The following MTCL1 variants were observed in gnomAD, a reference collection of about 807,000 sequenced individuals.
MTCL1 encodes microtubule crosslinking factor 1.
MTCL1 carries 79 observed loss-of-function variants against 141.4 expected under a neutral mutation model. The observed-to-expected ratio is 0.56, with a 90% CI of 0.47 to 0.67. The LOEUF is 0.67. Among genes scored for constraint, MTCL1 ranks in the 30% least tolerant of loss-of-function variants. The pLI, the probability that MTCL1 is intolerant of heterozygous loss-of-function variation, is 0.00. For missense variants in MTCL1, 2,177 were observed against 2,113.9 expected, an observed-to-expected ratio of 1.03 and a Z score of -0.59; for synonymous variants, 914 against 875.8, an observed-to-expected ratio of 1.04 and a Z score of -0.77.
chr18:8,731,234 G>A (rs1031803335), intron 4 of MTCL1, among the ~76,000 whole-genome samples: 1 of 151,042 alleles, frequency 6.6e-6, no homozygotes, highest in African/African-American at 2.4e-5. Flanking sequence ...GACAGAGCAA[G>A]ACTCCATCTC....
rs1340428448 is a variant in MTCL1 at position 8,810,695 on chromosome 18, C to A, written c.2605-2284C>A. On this transcript the variant is annotated intron_variant, in intron 11 of 16. Transcript: ENST00000359865. The surrounding 1 kb of genome is among the most constrained non-coding windows in gnomAD (Gnocchi z 5.0). ...GGATTTTGTGGTGCTTGGTGCTTTT[C>A]TGGTAGTCTTCTGGTTAACTAACAC... Among the ~76,000 whole-genome samples the A allele has an allele frequency of 1.3e-5, 2 of 152,088 alleles. No individual in the cohort carries two copies. The highest frequency in any genetic ancestry group is 2.9e-5 in the Non-Finnish European group (2 of 68,030).
Position 8,825,227 on chromosome 18 carries a change from T to G in MTCL1, c.3717T>G (p.Pro1239=), listed in dbSNP as rs200631414. 1.7e-4 allele frequency: 272 copies of G among 1,597,192 alleles called. 3 individuals carry two copies. In the Admixed American group the frequency reaches 4.5e-3, roughly 27 times the overall value. The change falls in exon 15 of 17, where the codon CCT becomes CCG. Residue 1239 remains proline, a synonymous_variant. Coordinates refer to ENST00000359865, the Ensembl canonical transcript of MTCL1. ...CAGAACCCATGCTCAGCAGGTGGCC[T>G]TGCACCTCCCCCAGGCACTCCCGGG...
chr18:8,750,884 A>G (rs78830846), intron 4 of MTCL1, among the ~76,000 whole-genome samples: 4,786 of 152,278 alleles, frequency 0.031, 130 homozygotes, highest in South Asian at 0.079. Context: ...CCTTTGGCAT[A>G]GCTGGGAGTG....
intron 7 of MTCL1, chr18:8,786,533 T>C (rs1049306815): frequency 5.5e-6 from 2 of 365,508 alleles, no homozygotes; most frequent in South Asian, 4.1e-5. Flanking sequence ...CGGTCTCGAG[T>C]GACACTGCTG....
At chr18:8,706,494 C>T in exon 1 of MTCL1, 1 of 1,283,390 alleles carries the variant, frequency 7.8e-7, no homozygotes, top group Non-Finnish European at 9.8e-7. Flanking sequence ...CCGCGGGCGC[C>T]TGTCCCGGGG....
intron 7 of MTCL1, among the ~76,000 whole-genome samples, chr18:8,790,737 A>AG (rs898690570): frequency 7.9e-4 from 121 of 152,352 alleles, no homozygotes; most frequent in African/African-American, 2.8e-3. Flanking sequence ...CCAGAAGGCC[A>AG]GGCACGGTGG....
rs1183479183 is a variant in MTCL1 at position 8,706,017 on chromosome 18, G to A, written c.357G>A (p.Ala119=). ...CCCCGCCGGGCGCCGGGGCCAGAGC[G>A]GCGGGCGGTGCCAAGGCTGCCCTGG... The change falls in exon 1 of 14, where the codon GCG becomes GCA. Residue 119 remains alanine (A), a synonymous_variant. Transcript: ENST00000306329. 6.0e-6 allele frequency: 7 copies of A among 1,169,146 alleles called. No individual in the cohort carries two copies. In the South Asian group the frequency reaches 1.7e-4, roughly 28 times the overall value. The allele number at this position is 1,169,146 out of a possible 1,614,324, so 72.4% of individuals were successfully genotyped here.
chr18:8,748,751 T>G (rs186646805), intron 4 of MTCL1, among the ~76,000 whole-genome samples: 2 of 152,298 alleles, frequency 1.3e-5, no homozygotes, highest in Admixed American at 1.3e-4. Context: ...TAACATGAGT[T>G]CAGGGTATTA....
chr18:8,819,419 G>A lies in MTCL1; in HGVS notation c.3156+160G>A, dbSNP rs1018935063. Among the ~76,000 whole-genome samples the A allele has an allele frequency of 2.0e-5, 3 of 152,122 alleles. No individual in the cohort carries two copies. The East Asian group carries it at 5.8e-4, about 29-fold the overall frequency. On this transcript the variant is annotated intron_variant, in intron 13 of 16. Transcript: ENST00000359865. ...AAAATGAAATCTTCACAACACCAAG[G>A]GTTTTGCTTCACCCTAAATTAGCAT...
chr18:8,756,413 A>G (rs1238720120), intron 4 of MTCL1, among the ~76,000 whole-genome samples: 5 of 146,434 alleles, frequency 3.4e-5, no homozygotes, highest in Non-Finnish European at 7.4e-5. Flanking sequence ...ATGTGTGTAT[A>G]TGTGTATATA....
intron 4 of MTCL1, among the ~76,000 whole-genome samples, chr18:8,748,899 C>T (rs1337735819): frequency 6.6e-6 from 1 of 152,018 alleles, no homozygotes; most frequent in Non-Finnish European, 1.5e-5. Flanking sequence ...TCTTGGGGGT[C>T]ATCACAGTCA....
chr18:8,798,975 G>A lies in MTCL1; in HGVS notation c.2436+684G>A, dbSNP rs563288995. 1.9e-3 allele frequency among the ~76,000 whole-genome samples: 291 copies of A among 152,342 alleles called. 1 individual carries two copies. The highest frequency in any genetic ancestry group is 3.5e-3 in the Non-Finnish European group (235 of 68,034). ...CGCTGTCTCGCTCTCAGGCTTCTGA[G>A]TCCCCTCTAACCCAACTTTATTATG... is the stretch of plus-strand genomic sequence containing the variant. On this transcript the variant is annotated intron_variant, in intron 10 of 16. Transcript: ENST00000359865.
At chr18:8,771,920 G>A (rs1298257495) in intron 4 of MTCL1, among the ~76,000 whole-genome samples, 1 of 152,226 alleles carries the variant, frequency 6.6e-6, no homozygotes, top group African/African-American at 2.4e-5. Context: ...TCCCTTCATT[G>A]TTCCTTGGAA....
chr18:8,819,247 C>T, exon 13 of MTCL1: 1 of 1,614,100 alleles, frequency 6.2e-7, no homozygotes, highest in Non-Finnish European at 8.5e-7. Context: ...AGTTCAGGAA[C>T]CGCCTCCCTG....
intron 10 of MTCL1, among the ~76,000 whole-genome samples, chr18:8,803,468 A>AT (rs1017045996): frequency 7.2e-5 from 11 of 152,266 alleles, no homozygotes; most frequent in African/African-American, 2.4e-4. Flanking sequence ...TATCATTACT[A>AT]TTTTTTTGCC....
Position 8,786,206 on chromosome 18 carries a change from G to A in MTCL1, c.1887+115G>A, listed in dbSNP as rs374797381. 5 of 1,145,156 alleles carry A rather than the reference G, an allele frequency of 4.4e-6. No individual in the cohort carries two copies. In the African/African-American group the frequency reaches 4.5e-5, roughly 10 times the overall value. 70.9% of individuals were successfully genotyped at this position (1,145,156 alleles called of 1,614,324 possible). ...CCCTGAGGGAACATGGCAGGAGGAGGTGGAACTAGGTGGAACTCACTTGAC... is the reference window on the plus strand; with the variant it reads ...CCCTGAGGGAACATGGCAGGAGGAGATGGAACTAGGTGGAACTCACTTGAC... On this transcript the variant is annotated intron_variant, in intron 7 of 16. Transcript: ENST00000359865.
Position 8,718,658 on chromosome 18 carries a change from G to C in MTCL1, c.198+10G>C. ...GGAGCAGGACTTGAAGGTGAGTGAGGGGGTGGTGCGTGCACCTCGCAAGGC... is the reference window on the plus strand; with the variant it reads ...GGAGCAGGACTTGAAGGTGAGTGAGCGGGTGGTGCGTGCACCTCGCAAGGC... On this transcript the variant is annotated intron_variant, in intron 3 of 16. Transcript: ENST00000359865. 1 of 1,611,974 alleles carries C rather than the reference G, an allele frequency of 6.2e-7. No individual in the cohort carries two copies. Among genetic ancestry groups the C allele is most frequent in the Non-Finnish European group, 8.5e-7 (1 of 1,179,654 alleles).
chr18:8,752,288 C>T (rs1567978202), intron 4 of MTCL1, among the ~76,000 whole-genome samples: 1 of 152,224 alleles, frequency 6.6e-6, no homozygotes, highest in African/African-American at 2.4e-5. Flanking sequence ...AAGTCATCTG[C>T]CTATCCAAAG....
At chr18:8,748,842 ACTGACAGGGGAC>A (rs976817474) in intron 4 of MTCL1, among the ~76,000 whole-genome samples, 4 of 151,184 alleles carry the variant, frequency 2.6e-5, no homozygotes, top group African/African-American at 4.9e-5. Flanking sequence ...GTAAAATGAA[ACTGACAGGGGAC>A]CTTTGTATCT....
Sources: allele counts gnomAD v4.1 joint callset (sites outside exome capture counted in the v4.1 genomes callset), GRCh38; gene constraint gnomAD v4.1.1; non-coding constraint Gnocchi (gnomAD v3.1); transcripts MANE v1.5; gene names NCBI Gene and HGNC (gene_info 2026-07-23, HGNC 2026-07-21).